Variants in DPYD observed in about 807,000 individuals in gnomAD.
DPYD encodes the protein dihydropyrimidine dehydrogenase [NADP(+)].
Under a neutral mutation model 116.2 loss-of-function variants are expected in DPYD, and 109 were observed. That is an observed-to-expected ratio of 0.94 (90% confidence interval 0.80 to 1.10). The LOEUF is 1.10. DPYD is among the 50% of genes least tolerant of loss of function. The pLI, the probability that DPYD is intolerant of heterozygous loss-of-function variation, is 0.00. For synonymous variants in DPYD, 440 were observed against 432.0 expected, an observed-to-expected ratio of 1.02 and a Z score of -0.23; for missense variants, 1,302 against 1,254.5, an observed-to-expected ratio of 1.04 and a Z score of -0.57.
intron 2 of DPYD, chr1:97,855,181 C>G: frequency 6.6e-6 from 1 of 152,262 alleles, no homozygotes; most frequent in Non-Finnish European, 1.5e-5. Context: ...CTCGAAAGTT[C>G]ATAGTGGTAG....
intron 8 of DPYD, among the ~76,000 whole-genome samples, chr1:97,600,102 A>G (rs1655157435): frequency 1.3e-5 from 2 of 151,996 alleles, no homozygotes; most frequent in Non-Finnish European, 2.9e-5. Flanking sequence ...ACTGAACTCT[A>G]CAGGAACACC....
At chr1:97,822,177 C>T (rs760982465) in intron 3 of DPYD, among the ~76,000 whole-genome samples, 1 of 150,766 alleles carries the variant, frequency 6.6e-6, no homozygotes, top group Admixed American at 6.6e-5. Context: ...TTTTTCTCTG[C>T]ATTTTTTATA....
intron 14 of DPYD, among the ~76,000 whole-genome samples, chr1:97,430,730 T>C (rs1265880235): frequency 2.0e-5 from 3 of 152,086 alleles, no homozygotes; most frequent in African/African-American, 7.2e-5. Context: ...GTAAGCAGAG[T>C]CTTATATGCA....
At chr1:97,878,179 T>G (rs1279939136) in intron 2 of DPYD, among the ~76,000 whole-genome samples, 1 of 151,878 alleles carries the variant, frequency 6.6e-6, no homozygotes, top group African/African-American at 2.4e-5. Flanking sequence ...CATTGGAGCC[T>G]GAGGCAAAAG....
chr1:97,246,942 T>C (rs922025448), intron 18 of DPYD, among the ~76,000 whole-genome samples: 1 of 152,158 alleles, frequency 6.6e-6, no homozygotes, highest in South Asian at 2.1e-4. Context: ...CAGGGGACAC[T>C]AAAGAGAATC....
intron 21 of DPYD, 59 bp downstream of exon 21, chr1:97,098,429 CT>C (rs1316126594): frequency 1.9e-6 from 3 of 1,560,834 alleles, no homozygotes; most frequent in Non-Finnish European, 2.6e-6. Context: ...AACATTTTAA[CT>C]ATATTTGTAT....
At chr1:97,735,727 T>A (rs12139338) in intron 4 of DPYD, among the ~76,000 whole-genome samples, 1,605 of 131,016 alleles carry the variant, frequency 0.012, 12 homozygotes, top group Middle Eastern at 0.02. Context: ...AATAAATAAA[T>A]AAAACAATAA....
intron 20 of DPYD, among the ~76,000 whole-genome samples, chr1:97,167,261 T>TA (rs1244327032): frequency 6.6e-6 from 1 of 152,194 alleles, no homozygotes; most frequent in Non-Finnish European, 1.5e-5. Context: ...AGCTACCTCA[T>TA]ATTCATATAC....
intron 1 of DPYD, among the ~76,000 whole-genome samples, chr1:97,913,886 C>G (rs945052862): frequency 7.2e-5 from 11 of 151,888 alleles, no homozygotes; most frequent in Non-Finnish European, 1.6e-4. Flanking sequence ...CATCCATGAT[C>G]GCCTCCTATA....
At chr1:97,678,184 A>G (rs1329879439) in intron 8 of DPYD, among the ~76,000 whole-genome samples, 1 of 152,150 alleles carries the variant, frequency 6.6e-6, no homozygotes, top group Admixed American at 6.5e-5. Context: ...CATGCAACTT[A>G]GATCCTTCGC....
intron 3 of DPYD, among the ~76,000 whole-genome samples, chr1:97,806,377 C>T (rs10783077): frequency 0.99 from 149,970 of 151,968 alleles, 74,026 homozygotes; most frequent in Middle Eastern, 1. Context: ...ATGTTACTGT[C>T]GTTTTAATTT....
intron 14 of DPYD, among the ~76,000 whole-genome samples, chr1:97,423,487 A>T (rs1674694301): frequency 6.6e-6 from 1 of 152,084 alleles, no homozygotes; most frequent in Admixed American, 6.6e-5. Context: ...TGCTGGGGAG[A>T]GTGCAGAATT....
chr1:97,579,891 C>T (rs560870284), intron 10 of DPYD, among the ~76,000 whole-genome samples: 1 of 152,276 alleles, frequency 6.6e-6, no homozygotes, highest in South Asian at 2.1e-4. Context: ...AAAAAATTCT[C>T]AGCTTTGATT....
chr1:97,229,080 T>TGTG (rs1661394249), intron 19 of DPYD, among the ~76,000 whole-genome samples: 1 of 151,492 alleles, frequency 6.6e-6, no homozygotes. Flanking sequence ...GGCGGGCACC[T>TGTG]GTGGTCCCAG....
At chr1:97,338,896 G>T (rs1669443417) in intron 16 of DPYD, among the ~76,000 whole-genome samples, 2 of 152,086 alleles carry the variant, frequency 1.3e-5, no homozygotes, top group South Asian at 4.1e-4. Flanking sequence ...GTGGGAGGGA[G>T]GTCAAGCTTG....
At chr1:97,540,169 T>C (rs1650319246) in intron 12 of DPYD, among the ~76,000 whole-genome samples, 1 of 151,838 alleles carries the variant, frequency 6.6e-6, no homozygotes, top group Admixed American at 6.6e-5. Flanking sequence ...GGTTGAGAGC[T>C]CATTCCCCAA....
At chr1:97,682,982 C>A (rs1660507003) in intron 7 of DPYD, among the ~76,000 whole-genome samples, 2 of 151,908 alleles carry the variant, frequency 1.3e-5, no homozygotes, top group African/African-American at 4.8e-5. Context: ...TGAAAACTTT[C>A]TTTATATACT....
In DPYD at chr1:97,515,595, G is replaced by A. The variant is rs2101974396; in HGVS notation, c.1740+131C>T. On this transcript the variant is annotated intron_variant, in intron 13 of 22. Coordinates refer to ENST00000370192, the MANE Select transcript of DPYD (RefSeq NM_000110.4). ...GGAAGGAAAGAAACTAAAGATTAAT[G>A]TGTAATGATAGGTCTTGTCAAATAG... 4 of 792,412 alleles carry A rather than the reference G, an allele frequency of 5.0e-6. No homozygotes were observed. In the East Asian group the frequency reaches 1.1e-4, roughly 21 times the overall value. The allele number at this position is 792,412 out of a possible 1,614,324, so 49.1% of individuals were successfully genotyped here.
intron 16 of DPYD, among the ~76,000 whole-genome samples, chr1:97,367,609 G>T (rs764085900): frequency 6.6e-6 from 1 of 152,094 alleles, no homozygotes; most frequent in East Asian, 1.9e-4. Context: ...AGATGATAGC[G>T]GTTGTACTGC....
Sources: allele counts gnomAD v4.1 joint callset (sites outside exome capture counted in the v4.1 genomes callset), GRCh38; gene constraint gnomAD v4.1.1; transcripts MANE v1.5; gene names NCBI Gene and HGNC (gene_info 2026-07-23, HGNC 2026-07-21).